Variants in RPL4 observed in about 807,000 individuals in gnomAD.
RPL4 encodes the protein ribosomal protein L4, also known as large ribosomal subunit protein uL4.
Under a neutral mutation model 47.7 loss-of-function variants are expected in RPL4, and 3 were observed. The ratio of observed to expected loss-of-function variants is 0.06; its 90% CI spans 0.03 to 0.16. The LOEUF is 0.16. Among genes scored for constraint, RPL4 ranks in the 10% least tolerant of loss-of-function variants. RPL4 has a pLI of 1.00. For missense variants in RPL4, 413 were observed against 551.3 expected, an observed-to-expected ratio of 0.75 and a Z score of 2.51; for synonymous variants, 208 against 182.1, an observed-to-expected ratio of 1.14 and a Z score of -1.15.
chr15:66,502,139 G>C (rs1028802815), intron 4 of RPL4: 1 of 678,518 alleles, frequency 1.5e-6, no homozygotes, highest in Non-Finnish European at 2.7e-6. Flanking sequence ...GTTTAAGTTG[G>C]AAGTTTTCTA....
chr15:66,502,595 T>C lies in RPL4; in HGVS notation c.421+17A>G, dbSNP rs1567035158. On this transcript the variant is annotated intron_variant, in intron 4 of 9. Coordinates refer to ENST00000307961, the MANE Select transcript of RPL4 (RefSeq NM_000968.4). ...TTATTTCTTCTATCAAACTCTCTTA[T>C]ATAAAGTATTACAAACCTTTAGACA... is the stretch of plus-strand genomic sequence containing the variant. The C allele has an allele frequency of 1.2e-6, 2 of 1,609,036 alleles. No homozygotes were observed. Among genetic ancestry groups the C allele is most frequent in the East Asian group, 2.2e-5 (1 of 44,886 alleles).
intron 4 of RPL4, chr15:66,502,315 A>T (rs1232462065): frequency 2.5e-6 from 1 of 403,240 alleles, no homozygotes; most frequent in Non-Finnish European, 4.5e-6. Context: ...TTCACGTGAA[A>T]GAAAAAGTGG....
chr15:66,500,052 T>A lies in RPL4; in HGVS notation c.1038+4A>T. ...ACAAACAAACAAACAAAAACTCCAC[T>A]CACATTCCTGGCCTGGCGAAGAATG... On this transcript the variant is annotated splice_donor_region_variant and intron_variant, in intron 9 of 9. Coordinates refer to ENST00000307961, the MANE Select transcript of RPL4 (RefSeq NM_000968.4). 1 of 1,611,478 alleles carries A rather than the reference T, an allele frequency of 6.2e-7. No individual in the cohort carries two copies. Among genetic ancestry groups the A allele is most frequent in the Non-Finnish European group, 8.5e-7 (1 of 1,179,744 alleles).
chr15:66,504,057 C>G (rs902707145), intron 1 of RPL4, among the ~76,000 whole-genome samples: 1 of 152,186 alleles, frequency 6.6e-6, no homozygotes, highest in Non-Finnish European at 1.5e-5. Context: ...TACACTCTTC[C>G]AGATATTTTT....
chr15:66,500,010 G>C (rs778602881), intron 9 of RPL4, 46 bp downstream of exon 9: 1 of 1,608,046 alleles, frequency 6.2e-7, no homozygotes, highest in East Asian at 2.2e-5. Context: ...GTGACAGAGC[G>C]AGATTCCGAC....
Position 66,500,324 on chromosome 15 carries a change from G to C in RPL4, c.886C>G (p.Pro296Ala). 6.2e-7 allele frequency: 1 copy of C among 1,614,096 alleles called. No individual in the cohort carries two copies. Among genetic ancestry groups the C allele is most frequent in the Non-Finnish European group, 8.5e-7 (1 of 1,180,010 alleles). Residue 296 changes from proline (P) to alanine (A), a missense_variant, in exon 8 of 10, where the codon CCA becomes GCA. By Grantham distance (27) the Pro-to-Ala change is conservative. This residue lies in a region of RPL4 where 214 missense variants were observed against 304.2 expected (regional missense o/e 0.70). Coordinates refer to ENST00000307961, the MANE Select transcript of RPL4 (RefSeq NM_000968.4). ...GCTCGAAGGGCTCTTTGGATCTCTG[G>C]GCTTTTCAAGATTCTGCTAAGATCT... ...NTDLSRILKS[P>A]EIQRALRAPR...
chr15:66,504,345 T>C (rs1248879259), intron 1 of RPL4, among the ~76,000 whole-genome samples: 4 of 152,164 alleles, frequency 2.6e-5, no homozygotes, highest in Admixed American at 6.5e-5. Flanking sequence ...ACGAACACTA[T>C]TTGTGGAAAA....
In RPL4 at chr15:66,500,392, T is replaced by A; in HGVS notation, c.834-16A>T. ...CATGGGAAGACTGAAAGGGAAAAGA[T>A]TGACATGTACATGTAAAAGTAATCA... On this transcript the variant is annotated splice_polypyrimidine_tract_variant and intron_variant, in intron 7 of 9. Transcript: ENST00000307961. The A allele has an allele frequency of 6.2e-7, 1 of 1,608,096 alleles. No homozygotes were observed.
At chr15:66,504,696 T>C (rs1893719008) in intron 1 of RPL4, 92 bp downstream of exon 1, 1 of 1,557,106 alleles carries the variant, frequency 6.4e-7, no homozygotes, top group Admixed American at 1.8e-5. Context: ...CTCCTCGCTC[T>C]ATCTCCTACA....
chr15:66,501,832 C>A lies in RPL4; in HGVS notation c.502G>T (p.Val168Phe). 1 of 1,611,810 alleles carries A rather than the reference C, an allele frequency of 6.2e-7. No individual in the cohort carries two copies. The highest frequency in any genetic ancestry group is 8.5e-7 in the Non-Finnish European group (1 of 1,179,880). Residue 168 changes from valine (V) to phenylalanine (F), a missense_variant, in exon 5 of 10, where the codon GTT becomes TTT. Val to Phe is a conservative substitution (Grantham distance 50). This residue lies in a region of RPL4 where 214 missense variants were observed against 304.2 expected (regional missense o/e 0.70). Coordinates refer to ENST00000307961, the MANE Select transcript of RPL4 (RefSeq NM_000968.4). ...VEGYKKTKEA[V>F]LLLKKLKAWN... ...GCTTTAAGTTTCTTAAGGAGCAAAACAGCTTCCTTGGTCTTCTTGTAGCCT... is the reference window on the plus strand; with the variant it reads ...GCTTTAAGTTTCTTAAGGAGCAAAAAAGCTTCCTTGGTCTTCTTGTAGCCT...
chr15:66,502,024 T>A, intron 4 of RPL4, 112 bp from the exon 5 acceptor site: 1 of 1,359,104 alleles, frequency 7.4e-7, no homozygotes, highest in Non-Finnish European at 1.0e-6. Flanking sequence ...GTTTGCCAAG[T>A]CAGAATTTCC....
intron 7 of RPL4, 73 bp from the exon 8 acceptor site, chr15:66,500,449 AT>A: frequency 1.5e-6 from 2 of 1,305,300 alleles, no homozygotes; most frequent in Non-Finnish European, 2.2e-6. Context: ...CTGAAGCTTT[AT>A]TTTTAGCCAC....
rs750617196 is a variant in RPL4, at chr15:66,500,340, G to A, written c.870C>T (p.Ser290=). 77 of 1,614,024 alleles carry A rather than the reference G, an allele frequency of 4.8e-5. 3 individuals carry two copies. In the South Asian group the frequency reaches 7.6e-4, roughly 16 times the overall value. The stretch of plus-strand genomic sequence containing the variant: ...GGATCTCTGGGCTTTTCAAGATTCT[G>A]CTAAGATCTGTATTAATCATCTTGT... ...PMHKMINTDL[S]RILKSPEIQR... The change falls in exon 8 of 10, where the codon AGC becomes AGT. Residue 290 remains serine (S), a synonymous_variant. Transcript: ENST00000307961.
chr15:66,501,725 A>C lies in RPL4; in HGVS notation c.546+63T>G. 4 of 1,589,084 alleles carry C rather than the reference A, an allele frequency of 2.5e-6. No homozygotes were observed. The South Asian group carries it at 4.6e-5, about 18-fold the overall frequency. Reference sequence around the variant, plus strand: ...TTAGCTATACTGCCCTTATCTTCTGAAATTCAAAGTGACAAACTGTGAACA... The same window carrying C: ...TTAGCTATACTGCCCTTATCTTCTGCAATTCAAAGTGACAAACTGTGAACA... On this transcript the variant is annotated intron_variant, in intron 5 of 9. Transcript: ENST00000307961.
At chr15:66,500,494 T>C in intron 7 of RPL4, 118 bp from the exon 8 acceptor site, 1 of 873,820 alleles carries the variant, frequency 1.1e-6, no homozygotes, top group East Asian at 2.5e-5. Flanking sequence ...CACTATCACT[T>C]CTCATAAACA....
chr15:66,500,477 T>G, intron 7 of RPL4, 101 bp from the exon 8 acceptor site: 1 of 949,732 alleles, frequency 1.1e-6, no homozygotes, highest in South Asian at 1.4e-5. Context: ...CTCCAAAATA[T>G]CTACTACACT....
chr15:66,502,039 A>T, intron 4 of RPL4, 127 bp from the exon 5 acceptor site: 2 of 1,231,906 alleles, frequency 1.6e-6, no homozygotes, highest in Non-Finnish European at 1.2e-6. Context: ...ATTTCCACAA[A>T]TATCATGTGT....
intron 7 of RPL4, 53 bp from the exon 8 acceptor site, chr15:66,500,429 G>C (rs2140712879): frequency 2.7e-6 from 4 of 1,483,738 alleles, no homozygotes; most frequent in Middle Eastern, 1.7e-4. Context: ...CCAAAGAACA[G>C]GAAGCTCAAC....
rs1893515146 is a variant in RPL4, at chr15:66,498,203, A to T, written c.*1204T>A. On this transcript the variant is annotated 3_prime_UTR_variant, in exon 10 of 10. Transcript: ENST00000307961. ...AGTAGCACATGAACTCTACTGTGTTAAGAGGCCCTGCAGGGTAGGACTCAC... is the reference window on the plus strand; with the variant it reads ...AGTAGCACATGAACTCTACTGTGTTTAGAGGCCCTGCAGGGTAGGACTCAC... The T allele has an allele frequency of 6.0e-6, 1 of 166,084 alleles. No individual in the cohort carries two copies. The highest frequency in any genetic ancestry group is 5.9e-5 in the Admixed American group (1 of 16,868). The allele number at this position is 166,084 out of a possible 1,614,324, so 10.3% of individuals were successfully genotyped here.
Sources: gnomAD v4.1 joint callset for allele counts (sites outside exome capture counted in the v4.1 genomes callset) on GRCh38, gnomAD v4.1.1 for gene constraint, gnomAD v4.1.1 regional missense constraint, MANE v1.5 for transcripts, NCBI Gene and HGNC (gene_info 2026-07-23, HGNC 2026-07-21) for gene names.